Variants in CWC27 observed in about 807,000 individuals in gnomAD.
The protein encoded by CWC27 is spliceosome-associated protein CWC27 homolog.
In CWC27, 47 loss-of-function variants were observed where a neutral mutation model predicts 63.6. The observed-to-expected ratio is 0.74, with a 90% CI of 0.58 to 0.94. The LOEUF (loss-of-function observed/expected upper bound fraction) is 0.94, where lower values mean the gene tolerates loss of function less well. Ranked by LOEUF, CWC27 falls within the 40% of genes least tolerant of loss-of-function variation. The pLI is 0.00. For missense variants in CWC27, 495 were observed against 554.3 expected (o/e 0.89, Z 1.07); for synonymous variants, 175 against 179.8 (o/e 0.97, Z 0.22).
intron 10 of CWC27, among the ~76,000 whole-genome samples, chr5:64,824,796 G>A (rs1398514462): frequency 1.4e-4 from 20 of 142,786 alleles, no homozygotes; most frequent in Admixed American, 1.1e-3. Context: ...GCAGTGGTGC[G>A]ACCTCGGCTC....
intron 13 of CWC27, among the ~76,000 whole-genome samples, chr5:65,008,540 A>G (rs568932043): frequency 1.3e-5 from 2 of 152,364 alleles, no homozygotes; most frequent in South Asian, 2.1e-4. Flanking sequence ...TGAACTGATT[A>G]AAGATTAACA....
chr5:64,768,975 C>A lies in CWC27; in HGVS notation c.-172C>A. 1 of 604,590 alleles carries A rather than the reference C, an allele frequency of 1.7e-6. No homozygotes were observed. The highest frequency in any genetic ancestry group is 2.9e-6 in the Non-Finnish European group (1 of 339,024). The allele number at this position is 604,590 out of a possible 1,614,324, so 37.5% of individuals were successfully genotyped here. A position where few individuals can be genotyped will look rare whatever the true frequency, so the allele number is the denominator to read the frequency against. ...ACAACATGGCGGCGTCCGTGAGGGG[C>A]TCCTTTGGGCAGGGGTAGTGTTTGG... On this transcript the variant is annotated 5_prime_UTR_variant, in exon 1 of 14. Transcript: ENST00000381070.
intron 11 of CWC27, among the ~76,000 whole-genome samples, chr5:64,960,813 A>G (rs187283451): frequency 1.3e-5 from 2 of 151,666 alleles, no homozygotes; most frequent in Admixed American, 6.6e-5. Context: ...TTGTCTCGCT[A>G]TGTTGTTCAG....
chr5:64,900,753 A>G (rs1010067714), intron 11 of CWC27, among the ~76,000 whole-genome samples: 4 of 152,138 alleles, frequency 2.6e-5, no homozygotes, highest in Admixed American at 2.6e-4. Context: ...TCCCTTAACA[A>G]TGGGGATACA....
At chr5:64,934,471 A>G (rs1305172018) in intron 11 of CWC27, among the ~76,000 whole-genome samples, 1 of 152,174 alleles carries the variant, frequency 6.6e-6, no homozygotes, top group Non-Finnish European at 1.5e-5. Flanking sequence ...CATGGTGTAT[A>G]TGTGCCACAT....
chr5:64,789,208 AT>A (rs2112178997), intron 7 of CWC27, among the ~76,000 whole-genome samples, 188 bp downstream of exon 7: 1 of 151,980 alleles, frequency 6.6e-6, no homozygotes, highest in African/African-American at 2.4e-5. Context: ...TATCCTATTT[AT>A]TTTTAATGTT....
chr5:64,801,809 C>T (rs1351384081), intron 9 of CWC27, among the ~76,000 whole-genome samples: 1 of 152,020 alleles, frequency 6.6e-6, no homozygotes. Context: ...ACAAAGCTAA[C>T]AAAACAGAAG....
At chr5:64,978,098 A>C (rs371643017) in intron 13 of CWC27, among the ~76,000 whole-genome samples, 2 of 152,018 alleles carry the variant, frequency 1.3e-5, no homozygotes. Flanking sequence ...TCTGTTCAAC[A>C]CTCCCATCCT....
chr5:64,793,725 G>T (rs1474067095), intron 7 of CWC27, among the ~76,000 whole-genome samples: 1 of 152,076 alleles, frequency 6.6e-6, no homozygotes, highest in Non-Finnish European at 1.5e-5. Flanking sequence ...TTTCTAAAGG[G>T]CTTAAAAATA....
intron 13 of CWC27, among the ~76,000 whole-genome samples, chr5:64,995,563 TATC>T (rs1182077489): frequency 1.3e-5 from 2 of 152,170 alleles, no homozygotes; most frequent in African/African-American, 4.8e-5. Context: ...AGGTCATTGT[TATC>T]ATGTTTTTTT....
intron 10 of CWC27, among the ~76,000 whole-genome samples, chr5:64,824,030 A>G (rs1312426225): frequency 6.6e-6 from 1 of 152,194 alleles, no homozygotes; most frequent in Non-Finnish European, 1.5e-5. Flanking sequence ...GATTATAGAT[A>G]TGTTCACTGA....
At chr5:64,878,470 TAAAAAAAAAAAAAAA>T (rs397998002) in intron 10 of CWC27, among the ~76,000 whole-genome samples, 18 of 26,938 alleles carry the variant, frequency 6.7e-4, no homozygotes, top group Admixed American at 1.4e-3. Context: ...GGTTACAGAT[TAAAAAAAAAAAAAAA>T]AAAAAAAAAA....
At chr5:64,839,181 G>A (rs183885454) in intron 10 of CWC27, among the ~76,000 whole-genome samples, 32 of 152,304 alleles carry the variant, frequency 2.1e-4, no homozygotes, top group African/African-American at 7.2e-4. Context: ...GGCTTTAAAT[G>A]TGTGAGGTGC....
At chr5:64,854,900 CTATT>C (rs1693850479) in intron 10 of CWC27, among the ~76,000 whole-genome samples, 1 of 151,892 alleles carries the variant, frequency 6.6e-6, no homozygotes, top group Non-Finnish European at 1.5e-5. Context: ...TGTAAGAAGA[CTATT>C]TAGTATACCC....
At chr5:64,886,544 T>A (rs1747075634) in intron 11 of CWC27, among the ~76,000 whole-genome samples, 1 of 152,150 alleles carries the variant, frequency 6.6e-6, no homozygotes, top group Non-Finnish European at 1.5e-5. Flanking sequence ...ATGTAGCATC[T>A]AGCCTTAAAG....
chr5:64,782,568 CAT>C (rs35063988), intron 3 of CWC27, among the ~76,000 whole-genome samples: 47,030 of 151,898 alleles, frequency 0.31, 8,332 homozygotes, highest in Middle Eastern at 0.51. Flanking sequence ...GAGTTAATGT[CAT>C]AGTGAAGATA....
chr5:65,003,083 T>C (rs1174327096), intron 13 of CWC27, among the ~76,000 whole-genome samples: 2 of 152,254 alleles, frequency 1.3e-5, no homozygotes, highest in Non-Finnish European at 2.9e-5. Context: ...ATCTGTTTTA[T>C]CTGAGATAAG....
At chr5:64,803,149 G>A (rs1025881305) in intron 9 of CWC27, among the ~76,000 whole-genome samples, 1 of 152,146 alleles carries the variant, frequency 6.6e-6, no homozygotes, top group African/African-American at 2.4e-5. Flanking sequence ...AAACAACTAT[G>A]TAATACCATC....
intron 10 of CWC27, among the ~76,000 whole-genome samples, chr5:64,846,386 A>G (rs1370035645): frequency 6.6e-6 from 1 of 152,246 alleles, no homozygotes; most frequent in African/African-American, 2.4e-5. Flanking sequence ...CTGCCATTAA[A>G]AACATAATGT....
Sources: allele counts gnomAD v4.1 joint callset (sites outside exome capture counted in the v4.1 genomes callset), GRCh38; gene constraint gnomAD v4.1.1; transcripts MANE v1.5; gene names NCBI Gene and HGNC (gene_info 2026-07-23, HGNC 2026-07-21).